TMEM132B: variants seen among roughly 807,000 people sequenced by gnomAD.
TMEM132B encodes the protein transmembrane protein 132B.
A neutral mutation model predicts 90.8 loss-of-function variants in TMEM132B; 18 were observed. That is an observed-to-expected ratio of 0.20 (90% CI 0.14 to 0.29). TMEM132B has a LOEUF of 0.29. Among genes scored for constraint, TMEM132B ranks in the 10% least tolerant of loss-of-function variants. The pLI, the probability that TMEM132B is intolerant of heterozygous loss-of-function variation, is 1.00. For synonymous variants in TMEM132B, 504 were observed against 523.3 expected (o/e 0.96, Z 0.50); for missense variants, 1,096 against 1,326.8 (o/e 0.83, Z 2.70).
rs576440813 is a variant in TMEM132B, at chr12:125,255,293, C to T, written c.67+68427C>T. Among the ~76,000 whole-genome samples, 30 of 152,082 alleles carry T rather than the reference C, an allele frequency of 2.0e-4. 1 individual carries two copies. In the South Asian group the frequency reaches 5.6e-3, roughly 29 times the overall value. Reference sequence around the variant, plus strand: ...TCTTTCTCTTTCTTTCTTTCTCTCTCTCTCTCTCACCCCCCCTCCTCTCTT... The same window carrying T: ...TCTTTCTCTTTCTTTCTTTCTCTCTTTCTCTCTCACCCCCCCTCCTCTCTT... On this transcript the variant is annotated intron_variant, in intron 1 of 8. Transcript: ENST00000682704.
Position 125,519,550 on chromosome 12 carries a change from C to T in TMEM132B, c.1218C>T (p.Asp406=), listed in dbSNP as rs1883251617. The part of the protein sequence containing the change: ...ITWQVEYPIE[D]SMSELVVSEI... ...GGCAGGTGGAGTACCCGATTGAGGA[C>T]TCCATGAGTGAGCTGGTCGTCTCCG... is the stretch of plus-strand genomic sequence containing the variant. Residue 406 remains aspartate (D), a synonymous_variant, in exon 4 of 9, where the codon GAC becomes GAT. Transcript: ENST00000682704. 1.2e-6 allele frequency: 2 copies of T among 1,613,998 alleles called. No homozygotes were observed. Among genetic ancestry groups the T allele is most frequent in the Non-Finnish European group, 1.7e-6 (2 of 1,180,036 alleles).
intron 1 of TMEM132B, among the ~76,000 whole-genome samples, chr12:125,325,690 T>C (rs1464260388): frequency 6.7e-6 from 1 of 149,458 alleles, no homozygotes; most frequent in African/African-American, 2.5e-5. Flanking sequence ...TGTGTGTGTG[T>C]GTGTGTGTGT....
intron 1 of TMEM132B, among the ~76,000 whole-genome samples, chr12:125,347,166 A>G (rs1387731726): frequency 6.6e-6 from 1 of 152,198 alleles, no homozygotes. Context: ...TGTCCTCCAG[A>G]GCTTCCGATT....
rs1448259334 is a variant in TMEM132B at position 125,636,637 on chromosome 12, TC to T, written c.1438-7436del. Among the ~76,000 whole-genome samples, 3 of 152,216 alleles carry T rather than the reference TC, an allele frequency of 2.0e-5. No homozygotes were observed. In the East Asian group the frequency reaches 5.8e-4, roughly 29 times the overall value. On this transcript the variant is annotated intron_variant, in intron 5 of 8. Transcript: ENST00000682704. The stretch of plus-strand genomic sequence containing the variant: ...CTCCGGGTAGAGCTTTCTGTTTCCT[TC>T]CCTTTAGATGCAATGAGTTTCCACA...
At chr12:125,597,718 G>C (rs1885474664) in intron 5 of TMEM132B, among the ~76,000 whole-genome samples, 2 of 152,150 alleles carry the variant, frequency 1.3e-5, no homozygotes, top group South Asian at 4.1e-4. Context: ...GATTTGTCCA[G>C]TGCCTGCCGG....
At chr12:125,560,035 A>G (rs1260929000) in intron 4 of TMEM132B, among the ~76,000 whole-genome samples, 1 of 152,150 alleles carries the variant, frequency 6.6e-6, no homozygotes, top group Non-Finnish European at 1.5e-5. Context: ...GGAAGTCACT[A>G]CCAAGCCAGA....
chr12:125,331,646 G>A (rs1876776383), intron 1 of TMEM132B, among the ~76,000 whole-genome samples: 1 of 152,188 alleles, frequency 6.6e-6, no homozygotes. Flanking sequence ...ACACTCTGGG[G>A]CCCACTCTTG....
intron 2 of TMEM132B, among the ~76,000 whole-genome samples, chr12:125,362,531 C>T (rs200684125): frequency 6.6e-6 from 1 of 152,186 alleles, no homozygotes; most frequent in Non-Finnish European, 1.5e-5. Flanking sequence ...GTGTTAACTA[C>T]ATGCGCACTA....
At position 125,654,025 on chromosome 12, in the gene TMEM132B, A is replaced by T; in HGVS notation, c.2567A>T (p.Gln856Leu). 6.2e-7 allele frequency: 1 copy of T among 1,614,162 alleles called. No individual in the cohort carries two copies. Among genetic ancestry groups the T allele is most frequent in the Non-Finnish European group, 8.5e-7 (1 of 1,180,018 alleles). Residue 856 changes from glutamine (Q) to leucine (L), a missense_variant, in exon 9 of 9, where the codon CAG becomes CTG. Gln to Leu is a moderately radical substitution (Grantham distance 113). Transcript: ENST00000682704. The surrounding 1 kb of genome is among the most constrained non-coding windows in gnomAD (Gnocchi z 5.8). ...EESTNKSTTP[Q>L]SPMEGKNKLL... ...AGTACCAACAAAAGCACAACCCCCC[A>T]GTCTCCCATGGAAGGGAAGAATAAG...
At chr12:125,348,509 T>G (rs1458714414) in intron 1 of TMEM132B, among the ~76,000 whole-genome samples, 1 of 151,644 alleles carries the variant, frequency 6.6e-6, no homozygotes, top group African/African-American at 2.4e-5. Context: ...GTTTTTTTTT[T>G]TTTTTTGTAG....
chr12:125,641,929 A>G (rs1886640703), intron 5 of TMEM132B, among the ~76,000 whole-genome samples: 1 of 152,240 alleles, frequency 6.6e-6, no homozygotes, highest in African/African-American at 2.4e-5. Context: ...CACCTGAGCT[A>G]GGGAGAAGTG....
intron 1 of TMEM132B, among the ~76,000 whole-genome samples, chr12:125,312,329 C>T (rs951406421): frequency 6.6e-6 from 1 of 152,250 alleles, no homozygotes; most frequent in Non-Finnish European, 1.5e-5. Flanking sequence ...CCTTTTGATG[C>T]ATCCCCATCA....
Position 125,296,614 on chromosome 12 carries a change from A to T in TMEM132B, c.68-52838A>T, listed in dbSNP as rs114468605. Among the ~76,000 whole-genome samples, 1,196 of 152,302 alleles carry T rather than the reference A, an allele frequency of 7.9e-3. 21 individuals carry two copies. The highest frequency in any genetic ancestry group is 0.027 in the African/African-American group (1,141 of 41,564). On this transcript the variant is annotated intron_variant, in intron 1 of 8. Transcript: ENST00000682704. ...GCTGTTGGTCTCCCCCAACAAGAAC[A>T]TCCATCCCATGAGGGGAAGAATGGC...
chr12:125,488,625 T>C (rs139898440), intron 3 of TMEM132B, among the ~76,000 whole-genome samples: 11 of 152,326 alleles, frequency 7.2e-5, no homozygotes, highest in African/African-American at 2.4e-4. Flanking sequence ...CCTGCCATGA[T>C]TGTGAGGCCT....
Position 125,349,691 on chromosome 12 carries a change from C to A in TMEM132B, c.307C>A (p.Pro103Thr). 6.2e-7 allele frequency: 1 copy of A among 1,614,156 alleles called. No individual in the cohort carries two copies. The stretch of plus-strand genomic sequence containing the variant: ...CCCATTTTCAGTGGAGAAGATAATC[C>A]CCCAGGAGCTCCTGTTGACATCTAC... ...YGPFSVEKII[P>T]QELLLTSTAF... Residue 103 changes from proline to threonine, a missense_variant, in exon 2 of 9, where the codon CCC (proline) becomes ACC (threonine). By Grantham distance (38) the Pro-to-Thr change is conservative. Transcript: ENST00000682704. The surrounding 1 kb of genome is among the most constrained non-coding windows in gnomAD (Gnocchi z 4.1).
chr12:125,291,039 T>C (rs1875524015), intron 1 of TMEM132B, among the ~76,000 whole-genome samples: 1 of 152,154 alleles, frequency 6.6e-6, no homozygotes, highest in African/African-American at 2.4e-5. Context: ...AATTCATACG[T>C]TGAAATGCTA....
chr12:125,411,155 AGGAGTGGAGT>A (rs1167104363), intron 2 of TMEM132B, among the ~76,000 whole-genome samples: 1 of 43,892 alleles, frequency 2.3e-5, no homozygotes, highest in Non-Finnish European at 4.6e-5. Flanking sequence ...AGTGGAGTGG[AGGAGTGGAGT>A]GGAGTGGAGT....
At chr12:125,303,513 T>A (rs1875884293) in intron 1 of TMEM132B, among the ~76,000 whole-genome samples, 1 of 152,244 alleles carries the variant, frequency 6.6e-6, no homozygotes, top group East Asian at 1.9e-4. Context: ...TGAGTGGAAT[T>A]GCTGGATCGT....
intron 3 of TMEM132B, among the ~76,000 whole-genome samples, chr12:125,484,692 G>A (rs1335091836): frequency 6.6e-6 from 1 of 152,092 alleles, no homozygotes; most frequent in Non-Finnish European, 1.5e-5. Context: ...GTGCAGCGGT[G>A]TGATCATAGC....
Sources: allele counts gnomAD v4.1 joint callset (sites outside exome capture counted in the v4.1 genomes callset), GRCh38; gene constraint gnomAD v4.1.1; non-coding constraint Gnocchi (gnomAD v3.1); transcripts MANE v1.5; gene names NCBI Gene and HGNC (gene_info 2026-07-23, HGNC 2026-07-21).